Variants in GLI3 observed in about 807,000 individuals in gnomAD.
The protein encoded by GLI3 is transcription activator GLI3.
Under a neutral mutation model 100.8 loss-of-function variants are expected in GLI3, and 20 were observed. The observed-to-expected ratio is 0.20, with a 90% CI of 0.14 to 0.29. GLI3 has a LOEUF of 0.29. Ranked by LOEUF, GLI3 falls within the 10% of genes least tolerant of loss-of-function variation. The probability of loss-of-function intolerance (pLI) is 1.00; values close to 1 mark genes in which losing one functional copy is unlikely to be tolerated. For synonymous variants in GLI3, 938 were observed against 860.5 expected (o/e 1.09, Z -1.58); for missense variants, 2,040 against 2,128.5 (o/e 0.96, Z 0.82).
chr7:42,167,211 G>A (rs1787263833), intron 2 of GLI3, among the ~76,000 whole-genome samples: 1 of 152,112 alleles, frequency 6.6e-6, no homozygotes, highest in Non-Finnish European at 1.5e-5. Context: ...CTTAAGGCTG[G>A]TGTTCTTTAG....
At chr7:41,994,604 G>A (rs1258456933) in intron 10 of GLI3, among the ~76,000 whole-genome samples, 1 of 152,192 alleles carries the variant, frequency 6.6e-6, no homozygotes, top group Non-Finnish European at 1.5e-5. Context: ...TTCACATGGT[G>A]AAATCACTCC....
Position 42,132,123 on chromosome 7 carries a change from T to C in GLI3, c.367+16103A>G, listed in dbSNP as rs184164490. ...TTCATTTATTTATTTATTTTTGAGA[T>C]GGAGGCTCGCTCTGTCGCCCAGGCT... is the stretch of plus-strand genomic sequence containing the variant. On this transcript the variant is annotated intron_variant, in intron 3 of 14. Transcript: ENST00000395925. Among the ~76,000 whole-genome samples the C allele has an allele frequency of 4.2e-3, 646 of 152,130 alleles. 4 individuals carry two copies. The highest frequency in any genetic ancestry group is 9.1e-3 in the South Asian group (44 of 4,822).
intron 1 of GLI3, among the ~76,000 whole-genome samples, chr7:42,254,815 T>A (rs1470810925): frequency 4.7e-5 from 7 of 149,112 alleles, no homozygotes; most frequent in African/African-American, 1.5e-4. Context: ...TCTCTTGCAA[T>A]GTTTGTTATC....
intron 4 of GLI3, among the ~76,000 whole-genome samples, chr7:42,066,031 CA>C (rs1784667619): frequency 2.0e-5 from 3 of 152,182 alleles, no homozygotes; most frequent in African/African-American, 7.2e-5. Flanking sequence ...ACTAATCACA[CA>C]GGCCGGAATC....
At chr7:42,218,557 C>CAA in intron 2 of GLI3, among the ~76,000 whole-genome samples, 1 of 141,502 alleles carries the variant, frequency 7.1e-6, no homozygotes, top group South Asian at 2.4e-4. Context: ...AAAGTTAAAG[C>CAA]AAAAAAAAAA....
rs561303975 is a variant in GLI3, at chr7:42,232,281, A to T, written c.-43+4690T>A. 1.5e-3 allele frequency among the ~76,000 whole-genome samples: 221 copies of T among 152,320 alleles called. 2 individuals carry two copies. Among genetic ancestry groups the T allele is most frequent in the Non-Finnish European group, 2.1e-3 (144 of 68,032 alleles). ...CGGCCCTTAAGAAAGTTTTCCCCTA[A>T]ATCTCTGGAAAGGAGCTTTAAAAGA... On this transcript the variant is annotated intron_variant, in intron 1 of 14. Transcript: ENST00000395925.
At chr7:41,974,040 T>A (rs1787436249) in intron 12 of GLI3, among the ~76,000 whole-genome samples, 1 of 152,202 alleles carries the variant, frequency 6.6e-6, no homozygotes, top group Non-Finnish European at 1.5e-5. Context: ...CTCACAGCAT[T>A]CCTGTGACAG....
At chr7:42,157,675 C>T (rs1366741002) in intron 2 of GLI3, among the ~76,000 whole-genome samples, 1 of 152,154 alleles carries the variant, frequency 6.6e-6, no homozygotes, top group Admixed American at 6.5e-5. Context: ...TTATATTTCT[C>T]AATCATTTAG....
chr7:42,195,681 C>T (rs1787914996), intron 2 of GLI3, among the ~76,000 whole-genome samples: 1 of 152,154 alleles, frequency 6.6e-6, no homozygotes, highest in African/African-American at 2.4e-5. Flanking sequence ...AATAATCAAG[C>T]TTCACCACCA....
chr7:42,132,437 G>A (rs2128777961), intron 3 of GLI3, among the ~76,000 whole-genome samples: 2 of 152,264 alleles, frequency 1.3e-5, no homozygotes, highest in South Asian at 2.1e-4. Context: ...GTGTTAACTT[G>A]TACATGATAA....
At position 41,961,089 on chromosome 7, in the gene GLI3, C is replaced by G. The variant is rs1562654533; in HGVS notation, c.*3241G>C. On this transcript the variant is annotated 3_prime_UTR_variant, in exon 15 of 15. Coordinates refer to ENST00000395925, the MANE Select transcript of GLI3 (RefSeq NM_000168.6). Reference sequence around the variant, plus strand: ...CCCCTGGGCTTGAGGTGGGCGTGATCACGGGGAATGCAGGCTTGTCCGAGG... The same window carrying G: ...CCCCTGGGCTTGAGGTGGGCGTGATGACGGGGAATGCAGGCTTGTCCGAGG... 6.6e-6 allele frequency: 1 copy of G among 152,536 alleles called. No homozygotes were observed. Among genetic ancestry groups the G allele is most frequent in the African/African-American group, 2.4e-5 (1 of 41,412 alleles). The allele number at this position is 152,536 out of a possible 1,614,324, so 9.4% of individuals were successfully genotyped here. A position where few individuals can be genotyped will look rare whatever the true frequency, so the allele number is the denominator to read the frequency against.
chr7:42,122,301 C>T (rs1003147523), intron 3 of GLI3, among the ~76,000 whole-genome samples: 4 of 138,608 alleles, frequency 2.9e-5, no homozygotes, highest in African/African-American at 1.1e-4. Flanking sequence ...ACCTCCTAAT[C>T]ACATAAAATC....
At chr7:42,105,884 G>A (rs547088523) in intron 3 of GLI3, among the ~76,000 whole-genome samples, 1 of 152,116 alleles carries the variant, frequency 6.6e-6, no homozygotes, top group Non-Finnish European at 1.5e-5. Flanking sequence ...TTTAATGAGC[G>A]GGGTGTGAGG....
At position 42,210,131 on chromosome 7, in the gene GLI3, G is replaced by A. The variant is rs541563929; in HGVS notation, c.124+12999C>T. Among the ~76,000 whole-genome samples, 75 of 151,434 alleles carry A rather than the reference G, an allele frequency of 5.0e-4. No homozygotes were observed. In the South Asian group the frequency reaches 0.011, roughly 22 times the overall value. ...TTGGGATTGCTGGTGAAGACGCCCC[G>A]CTGTCGAACATGGTTCATTTCCCTT... On this transcript the variant is annotated intron_variant, in intron 2 of 14. Coordinates refer to ENST00000395925, the MANE Select transcript of GLI3 (RefSeq NM_000168.6).
chr7:42,143,312 T>C (rs1786617621), intron 3 of GLI3, among the ~76,000 whole-genome samples: 1 of 152,234 alleles, frequency 6.6e-6, no homozygotes, highest in South Asian at 2.1e-4. Flanking sequence ...AAAGACAGTC[T>C]GGATGAGAAG....
chr7:42,214,988 C>T (rs1454680216), intron 2 of GLI3, among the ~76,000 whole-genome samples: 1 of 151,798 alleles, frequency 6.6e-6, no homozygotes. Flanking sequence ...AAGAAAGAAA[C>T]TAACACTAAG....
In GLI3 at chr7:41,961,761, T is replaced by TG. The variant is rs1490111093; in HGVS notation, c.*2568dup. ...CTAGCCTACAGAGATCCCAAAAGGA[T>TG]GTCCCAAAAAGATGCTTCTAAGTGA... On this transcript the variant is annotated 3_prime_UTR_variant, in exon 15 of 15. Transcript: ENST00000395925. 1 of 152,142 alleles carries TG rather than the reference T, an allele frequency of 6.6e-6. No homozygotes were observed. The highest frequency in any genetic ancestry group is 2.4e-5 in the African/African-American group (1 of 41,412). 9.4% of individuals were successfully genotyped at this position (152,142 alleles called of 1,614,324 possible).
Position 41,961,234 on chromosome 7 carries a change from A to ATCCTTTTTTT in GLI3, c.*3095_*3096insAAAAAAAGGA. ...TTTAAAAAAATCTAAAAAAGGTGAA[A>ATCCTTTTTTT]AAAATGAACTTGTATTTTATTTTAC... On this transcript the variant is annotated 3_prime_UTR_variant, in exon 15 of 15. Coordinates refer to ENST00000395925, the MANE Select transcript of GLI3 (RefSeq NM_000168.6). 1 of 152,676 alleles carries ATCCTTTTTTT rather than the reference A, an allele frequency of 6.5e-6. No homozygotes were observed. Among genetic ancestry groups the ATCCTTTTTTT allele is most frequent in the African/African-American group, 2.4e-5 (1 of 41,462 alleles). The allele number at this position is 152,676 out of a possible 1,614,324, so 9.5% of individuals were successfully genotyped here.
At chr7:42,211,763 C>A (rs1788278212) in intron 2 of GLI3, among the ~76,000 whole-genome samples, 1 of 152,148 alleles carries the variant, frequency 6.6e-6, no homozygotes, top group Non-Finnish European at 1.5e-5. Flanking sequence ...TTCATTTGCA[C>A]CATCTCTTCT....
Sources: gnomAD v4.1 joint callset for allele counts (sites outside exome capture counted in the v4.1 genomes callset) on GRCh38, gnomAD v4.1.1 for gene constraint, MANE v1.5 for transcripts, NCBI Gene and HGNC (gene_info 2026-07-23, HGNC 2026-07-21) for gene names.